Variants in APCDD1L observed in about 807,000 individuals in gnomAD.
APCDD1L encodes the protein APC down-regulated 1 like.
Under a neutral mutation model 24.2 loss-of-function variants are expected in APCDD1L, and 21 were observed. That is an observed-to-expected ratio of 0.87 (90% CI 0.61 to 1.25). The LOEUF is 1.25. Ranked by LOEUF, APCDD1L falls within the 50% of genes most tolerant of loss-of-function variation. The probability of loss-of-function intolerance (pLI) is 0.00; values close to 1 mark genes in which losing one functional copy is unlikely to be tolerated. For missense variants in APCDD1L, 704 were observed against 711.7 expected (o/e 0.99, Z 0.12); for synonymous variants, 321 against 323.6 (o/e 0.99, Z 0.09).
In APCDD1L at chr20:58,497,742, C is replaced by A. The variant is rs374441622; in HGVS notation, c.49+16917G>T. ...GCTGAGGCCCTGGGGGTCAGGACTTCAACATATGGATTTGGGTAGGGGACA... is the reference window on the plus strand; with the variant it reads ...GCTGAGGCCCTGGGGGTCAGGACTTAAACATATGGATTTGGGTAGGGGACA... On this transcript the variant is annotated intron_variant, in intron 1 of 3. Coordinates refer to ENST00000371149, the MANE Select transcript of APCDD1L (RefSeq NM_153360.3). This position sits in a 1 kb window ranked among gnomAD's most constrained non-coding sequence, Gnocchi z 4.3. 6.6e-6 allele frequency among the ~76,000 whole-genome samples: 1 copy of A among 152,164 alleles called. No individual in the cohort carries two copies. Among genetic ancestry groups the A allele is most frequent in the South Asian group, 2.1e-4 (1 of 4,822 alleles).
rs568249549 is a variant in APCDD1L at position 58,475,693 on chromosome 20, C to T, written c.50-4946G>A. 6.0e-4 allele frequency among the ~76,000 whole-genome samples: 92 copies of T among 152,184 alleles called. 1 individual carries two copies. Among genetic ancestry groups the T allele is most frequent in the East Asian group, 3.9e-4 (2 of 5,162 alleles). ...CAGGGCTGCCACGACAAAGACCACA[C>T]GCTGAGTGGCTGAAGCAACAGGAGT... On this transcript the variant is annotated intron_variant, in intron 1 of 3. Transcript: ENST00000371149.
rs1989598880 is a variant in APCDD1L, at chr20:58,461,303, A to C, written c.993T>G (p.Tyr331Ter). ...TGCCCCTGGTGTAGCGGCCGGCGGC[A>C]TACACGGTGAAGGTGGGCTGCCGGC... ...PACRQPTFTV[Y>*]AAGRYTRGTP... The change falls in exon 4 of 4, where the codon TAT (tyrosine) becomes TAG (stop). Residue 331 changes from tyrosine to a stop codon, truncating the protein, a stop_gained. Transcript: ENST00000371149. LOFTEE classifies it low-confidence loss of function (END_TRUNC). This position sits in a 1 kb window ranked among gnomAD's most constrained non-coding sequence, Gnocchi z 6.0. 6.2e-7 allele frequency: 1 copy of C among 1,609,226 alleles called. No homozygotes were observed. Among genetic ancestry groups the C allele is most frequent in the Non-Finnish European group, 8.5e-7 (1 of 1,176,908 alleles).
chr20:58,494,092 A>G lies in APCDD1L; in HGVS notation c.49+20567T>C, dbSNP rs1990273956. Among the ~76,000 whole-genome samples, 1 of 152,190 alleles carries G rather than the reference A, an allele frequency of 6.6e-6. No homozygotes were observed. The highest frequency in any genetic ancestry group is 2.1e-4 in the South Asian group (1 of 4,826). ...TTTAGGATTCATTAGCTGGAAGCGGATCATCATAAAGGTCTTCATCCTCAT... is the reference window on the plus strand; with the variant it reads ...TTTAGGATTCATTAGCTGGAAGCGGGTCATCATAAAGGTCTTCATCCTCAT... On this transcript the variant is annotated intron_variant, in intron 1 of 3. Transcript: ENST00000371149. This position sits in a 1 kb window ranked among gnomAD's most constrained non-coding sequence, Gnocchi z 4.8.
intron 3 of APCDD1L, among the ~76,000 whole-genome samples, chr20:58,463,894 T>TTGGGGGGG (rs1491147308): frequency 1.9e-5 from 1 of 52,392 alleles, no homozygotes; most frequent in Non-Finnish European, 4.1e-5. Flanking sequence ...AGTTTTTTTT[T>TTGGGGGGG]GGGGGGGGGG....
chr20:58,469,161 T>C (rs1466547364), intron 2 of APCDD1L, among the ~76,000 whole-genome samples: 3 of 152,234 alleles, frequency 2.0e-5, no homozygotes, highest in African/African-American at 7.2e-5. Flanking sequence ...TCCAGGATAA[T>C]ATTACGTTTT....
At chr20:58,509,734 A>G (rs995493600) in intron 1 of APCDD1L, among the ~76,000 whole-genome samples, 1 of 152,208 alleles carries the variant, frequency 6.6e-6, no homozygotes, top group Non-Finnish European at 1.5e-5. Flanking sequence ...CAGGGCTGGA[A>G]GCAAATCTGG....
chr20:58,479,424 A>ACATTTTGCTGTAT (rs1739319722), intron 1 of APCDD1L, among the ~76,000 whole-genome samples: 1 of 152,156 alleles, frequency 6.6e-6, no homozygotes, highest in Non-Finnish European at 1.5e-5. Context: ...CATGCATGTC[A>ACATTTTGCTGTAT]CATTTTGCTG....
At position 58,508,115 on chromosome 20, in the gene APCDD1L, G is replaced by C. The variant is rs1990554705; in HGVS notation, c.49+6544C>G. 6.6e-6 allele frequency among the ~76,000 whole-genome samples: 1 copy of C among 152,240 alleles called. No individual in the cohort carries two copies. Among genetic ancestry groups the C allele is most frequent in the Non-Finnish European group, 1.5e-5 (1 of 68,046 alleles). On this transcript the variant is annotated intron_variant, in intron 1 of 3. Transcript: ENST00000371149. The surrounding 1 kb of genome is among the most constrained non-coding windows in gnomAD (Gnocchi z 4.0). ...CTTTGCCACGGCAATTCCACTGCTA[G>C]GTATTTCCACTAAAATTTGCAGGTG...
intron 1 of APCDD1L, among the ~76,000 whole-genome samples, chr20:58,490,124 C>G (rs1172459541): frequency 3.9e-5 from 6 of 152,122 alleles, no homozygotes; most frequent in African/African-American, 1.4e-4. Context: ...TGAAAGTCCA[C>G]TTATTCTTTC....
At chr20:58,502,776 A>C (rs1990464101) in intron 1 of APCDD1L, among the ~76,000 whole-genome samples, 1 of 152,186 alleles carries the variant, frequency 6.6e-6, no homozygotes, top group South Asian at 2.1e-4. Flanking sequence ...CTATGTAAAC[A>C]GGGAATATGT....
In APCDD1L at chr20:58,459,112, GTTTAAT is replaced by G. The variant is rs1432560665; in HGVS notation, c.*1672_*1677del. The G allele has an allele frequency of 6.6e-6, 1 of 152,228 alleles. No individual in the cohort carries two copies. The highest frequency in any genetic ancestry group is 1.5e-5 in the Non-Finnish European group (1 of 68,038). 9.4% of individuals were successfully genotyped at this position (152,228 alleles called of 1,614,324 possible). On this transcript the variant is annotated 3_prime_UTR_variant, in exon 4 of 4. Coordinates refer to ENST00000371149, the MANE Select transcript of APCDD1L (RefSeq NM_153360.3). Reference sequence around the variant, plus strand: ...AACCAGCAAGAACATTTTTCAGGCTGTTTAATTTTATTAAAAGGTTCAAATTTGATG... The same window carrying G: ...AACCAGCAAGAACATTTTTCAGGCTGTTTATTAAAAGGTTCAAATTTGATG...
intron 1 of APCDD1L, among the ~76,000 whole-genome samples, chr20:58,472,921 C>T (rs961104475): frequency 2.0e-5 from 3 of 152,184 alleles, no homozygotes; most frequent in Non-Finnish European, 2.9e-5. Context: ...TGCACGTCAG[C>T]GTCAACACCA....
At chr20:58,503,340 G>T (rs748534550) in intron 1 of APCDD1L, among the ~76,000 whole-genome samples, 4 of 152,218 alleles carry the variant, frequency 2.6e-5, no homozygotes, top group Non-Finnish European at 5.9e-5. Context: ...GTGGTTTGCT[G>T]TTAAGGAAAT....
At chr20:58,483,722 C>A (rs578260900) in intron 1 of APCDD1L, among the ~76,000 whole-genome samples, 1 of 152,158 alleles carries the variant, frequency 6.6e-6, no homozygotes, top group Non-Finnish European at 1.5e-5. Context: ...AGGATGATGT[C>A]GTGCACATTT....
At chr20:58,482,219 G>C (rs1045399507) in intron 1 of APCDD1L, among the ~76,000 whole-genome samples, 45 of 152,122 alleles carry the variant, frequency 3.0e-4, no homozygotes, top group African/African-American at 9.9e-4. Context: ...AATTTTGTGG[G>C]AAAACCTACA....
intron 1 of APCDD1L, among the ~76,000 whole-genome samples, chr20:58,505,160 C>T (rs1162836280): frequency 2.0e-5 from 3 of 152,144 alleles, no homozygotes; most frequent in Non-Finnish European, 4.4e-5. Flanking sequence ...AAGGATGCCT[C>T]CTCCATGAAA....
intron 1 of APCDD1L, chr20:58,514,102 C>G: frequency 2.1e-6 from 1 of 485,458 alleles, no homozygotes; most frequent in Non-Finnish European, 3.2e-6. Context: ...ATTGACTACT[C>G]TACCAGGGGT....
In APCDD1L at chr20:58,467,234, G is replaced by GGCGGCGCTGCAC. The variant is rs1488502524; in HGVS notation, c.601_612dup (p.Val201_Arg204dup). On this transcript the variant is annotated inframe_insertion, in exon 3 of 4. Coordinates refer to ENST00000371149, the MANE Select transcript of APCDD1L (RefSeq NM_153360.3). The surrounding 1 kb of genome is among the most constrained non-coding windows in gnomAD (Gnocchi z 5.9). ...GGCGACGCCCGGGGCTGCGGCTGCAGGCGGCGCTGCACGCGGACCAGGCTG... is the reference window on the plus strand; with the variant it reads ...GGCGACGCCCGGGGCTGCGGCTGCAGGCGGCGCTGCACGCGGCGCTGCACGCGGACCAGGCTG... The GGCGGCGCTGCAC allele has an allele frequency of 5.0e-6, 8 of 1,595,700 alleles. No individual in the cohort carries two copies. Among genetic ancestry groups the GGCGGCGCTGCAC allele is most frequent in the Non-Finnish European group, 6.8e-6 (8 of 1,176,182 alleles).
intron 1 of APCDD1L, among the ~76,000 whole-genome samples, chr20:58,492,063 C>CG (rs369586689): frequency 7.1e-4 from 108 of 152,118 alleles, no homozygotes; most frequent in African/African-American, 2.5e-3. Context: ...TTCCAATGGG[C>CG]GGGGGGAGGA....
Sources: gnomAD v4.1 joint callset for allele counts (sites outside exome capture counted in the v4.1 genomes callset) on GRCh38, gnomAD v4.1.1 for gene constraint, Gnocchi (gnomAD v3.1) non-coding constraint, MANE v1.5 for transcripts, NCBI Gene and HGNC (gene_info 2026-07-23, HGNC 2026-07-21) for gene names.